The following NT5DC4 variants were observed in gnomAD, a reference collection of about 807,000 sequenced individuals.
NT5DC4 encodes 5'-nucleotidase domain containing 4.
In NT5DC4, 44 loss-of-function variants were observed where a neutral mutation model predicts 26.6. That is an observed-to-expected ratio of 1.65 (90% CI 1.30 to 2.13). The LOEUF is 2.13. Ranked by LOEUF, NT5DC4 falls within the 30% of genes most tolerant of loss-of-function variation. NT5DC4 has a pLI of 0.00. For synonymous variants in NT5DC4, 157 were observed against 86.7 expected (o/e 1.81, Z -4.51); for missense variants, 399 against 228.1 (o/e 1.75, Z -4.83).
chr2:112,724,923 C>T lies in NT5DC4; in HGVS notation c.915+17C>T. ...GGTGCAGAGGTCAGTCCACCTGCAC[C>T]CATGGACCACGGTTGGGGAGGGCAG... On this transcript the variant is annotated intron_variant, in intron 11 of 16. Coordinates refer to ENST00000688554, the MANE Select transcript of NT5DC4 (RefSeq NM_001393655.1). 1 of 716,278 alleles carries T rather than the reference C, an allele frequency of 1.4e-6. No homozygotes were observed. 44.4% of individuals were successfully genotyped at this position (716,278 alleles called of 1,614,324 possible).
At chr2:112,724,163 G>T in intron 10 of NT5DC4, 37 bp downstream of exon 10, 1 of 716,918 alleles carries the variant, frequency 1.4e-6, no homozygotes, top group Non-Finnish European at 2.6e-6. Flanking sequence ...GCTGGGGTGG[G>T]CTGTGCAAAG....
rs1676817715 is a variant in NT5DC4 at position 112,721,029 on chromosome 2, G to A, written c.-51G>A. Among the ~76,000 whole-genome samples the A allele has an allele frequency of 6.6e-6, 1 of 152,178 alleles. No individual in the cohort carries two copies. Among genetic ancestry groups the A allele is most frequent in the Non-Finnish European group, 1.5e-5 (1 of 68,038 alleles). ...AGAGTGGCTGGGCCCCACTGATAGT[G>A]TGCAGGAGGCTGAGGAAGGGACACT... On this transcript the variant is annotated 5_prime_UTR_variant, in exon 1 of 17. The change creates a new upstream start codon in the 5' untranslated region. Transcript: ENST00000688554.
upstream of NT5DC4, among the ~76,000 whole-genome samples, chr2:112,719,912 CTTTCTTTCTTTCTCTT>C (rs1676688431): frequency 1.0e-5 from 1 of 95,622 alleles, no homozygotes; most frequent in South Asian, 4.2e-4. Flanking sequence ...CTTTTTCTTT[CTTTCTTTCTTTCTCTT>C]TCTTTCTTTC....
intron 11 of NT5DC4, 73 bp from the exon 12 acceptor site, chr2:112,725,101 C>A: frequency 1.5e-6 from 1 of 674,556 alleles, no homozygotes; most frequent in Non-Finnish European, 2.8e-6. Context: ...ACTCCCAGCT[C>A]CCTGCGACCC....
chr2:112,725,043 G>A (rs904690156), intron 11 of NT5DC4, 131 bp from the exon 12 acceptor site: 6 of 649,740 alleles, frequency 9.2e-6, no homozygotes, highest in African/African-American at 1.8e-5. Context: ...CGCCTTCAGC[G>A]CCCTCTGCTG....
downstream of NT5DC4, chr2:112,740,735 T>A: frequency 8.8e-7 from 1 of 1,142,604 alleles, no homozygotes. Flanking sequence ...AGGTCTCAGT[T>A]ACTCTAGATC....
chr2:112,720,122 C>T (rs1200554953), upstream of NT5DC4, among the ~76,000 whole-genome samples: 1 of 150,784 alleles, frequency 6.6e-6, no homozygotes, highest in East Asian at 1.9e-4. Context: ...CTCATTGCAA[C>T]CTCCAACCCC....
At position 112,721,124 on chromosome 2, in the gene NT5DC4, T is replaced by C. The variant is rs1035805223; in HGVS notation, c.45T>C (p.Pro15=). The change falls in exon 1 of 17, where the codon CCT becomes CCC. Residue 15 remains proline, a synonymous_variant. Transcript: ENST00000688554. The part of the protein sequence containing the change: ...DWREPEGLVS[P]QGPKQDWHQR... ...GAGAGCCGGAGGGACTGGTCTCCCC[T>C]CAAGGCCCGAAGCAGGACTGGCACC... 2.0e-5 allele frequency among the ~76,000 whole-genome samples: 3 copies of C among 152,070 alleles called. No individual in the cohort carries two copies. Among genetic ancestry groups the C allele is most frequent in the African/African-American group, 7.2e-5 (3 of 41,388 alleles).
At chr2:112,734,421 G>T (rs1254431381) in intron 16 of NT5DC4, among the ~76,000 whole-genome samples, 2 of 152,116 alleles carry the variant, frequency 1.3e-5, no homozygotes, top group East Asian at 3.8e-4. Context: ...GGCAGGTTTT[G>T]TCCATGAGGT....
At chr2:112,726,857 C>T in intron 15 of NT5DC4, 119 bp downstream of exon 15, 1 of 690,516 alleles carries the variant, frequency 1.4e-6, no homozygotes, top group Non-Finnish European at 2.7e-6. Flanking sequence ...CCCCATTCTC[C>T]TCAGCCTCGC....
chr2:112,739,193 T>C (rs768745679), downstream of NT5DC4: 11 of 660,342 alleles, frequency 1.7e-5, no homozygotes, highest in Non-Finnish European at 2.3e-5. Flanking sequence ...AGCTTTCATC[T>C]TCAGATGGCT....
At chr2:112,726,147 C>A in intron 13 of NT5DC4, 91 bp from the exon 14 acceptor site, 1 of 707,644 alleles carries the variant, frequency 1.4e-6, no homozygotes, top group Non-Finnish European at 2.6e-6. Flanking sequence ...GTGTGCAAGT[C>A]CTCCGCTGGG....
chr2:112,722,731 T>C lies in NT5DC4; in HGVS notation c.487T>C (p.Cys163Arg), dbSNP rs1270019224. ...FNLPETYLYA[C>R]LVDFFSGCSR... is the part of the protein sequence containing the mutation. ...GCCCCCAGAAACCTACCTCTATGCC[T>C]GCTTGGTGGACTTCTTCTCTGGCTG... Residue 163 changes from cysteine to arginine, a missense_variant, in exon 6 of 17, where the codon TGC becomes CGC. Coordinates refer to ENST00000688554, the MANE Select transcript of NT5DC4 (RefSeq NM_001393655.1). The C allele has an allele frequency of 1.4e-6, 1 of 717,588 alleles. No homozygotes were observed. Among genetic ancestry groups the C allele is most frequent in the East Asian group, 2.7e-5 (1 of 37,278 alleles). 44.5% of individuals were successfully genotyped at this position (717,588 alleles called of 1,614,324 possible). A position where few individuals can be genotyped will look rare whatever the true frequency, so the allele number is the denominator to read the frequency against.
chr2:112,741,112 C>G, downstream of NT5DC4: 1 of 755,804 alleles, frequency 1.3e-6, no homozygotes, highest in Non-Finnish European at 2.2e-6. Context: ...TCCCAGTGAT[C>G]TTCATGGGCT....
chr2:112,719,812 T>C (rs1676649664), upstream of NT5DC4, among the ~76,000 whole-genome samples: 1 of 149,774 alleles, frequency 6.7e-6, no homozygotes, highest in African/African-American at 2.5e-5. Context: ...CTTTTCTTCA[T>C]TTCCTTTCCT....
At chr2:112,740,761 G>A (rs1283011289), downstream of NT5DC4, 18 of 1,412,072 alleles carry the variant, frequency 1.3e-5, no homozygotes, top group Middle Eastern at 1.8e-4. Context: ...AGGAAAAATC[G>A]AGACTTGGAC....
Position 112,723,424 on chromosome 2 carries a change from C to A in NT5DC4, c.628C>A (p.Leu210Ile). 1 of 715,028 alleles carries A rather than the reference C, an allele frequency of 1.4e-6. No individual in the cohort carries two copies. Among genetic ancestry groups the A allele is most frequent in the South Asian group, 1.5e-5 (1 of 67,486 alleles). The allele number at this position is 715,028 out of a possible 1,614,324, so 44.3% of individuals were successfully genotyped here. Residue 210 changes from leucine to isoleucine, a missense_variant, in exon 8 of 17, where the codon CTC (leucine) becomes ATC (isoleucine). Physicochemically the swap from Leu to Ile is conservative, Grantham distance 5 (BLOSUM62 2). Transcript: ENST00000688554. Reference protein sequence around the residue: ...AMNNIHQSGCLKKTLEDLEKY... With the variant: ...AMNNIHQSGCIKKTLEDLEKY... ...ACTTTGCTCCCTCCTGCAGGGCTGT[C>A]TCAAGAAGACCCTGGAGGACTTGGA...
intron 15 of NT5DC4, 70 bp downstream of exon 15, chr2:112,726,808 T>G (rs1677800900): frequency 1.4e-6 from 1 of 715,884 alleles, no homozygotes; most frequent in Non-Finnish European, 2.6e-6. Context: ...CCCCACTGCT[T>G]GCCTGTCGGC....
chr2:112,729,651 C>G lies in NT5DC4; in HGVS notation c.1291C>G (p.Gln431Glu). The G allele has an allele frequency of 1.4e-6, 1 of 717,966 alleles. No homozygotes were observed. Among genetic ancestry groups the G allele is most frequent in the South Asian group, 1.5e-5 (1 of 67,604 alleles). 44.5% of individuals were successfully genotyped at this position (717,966 alleles called of 1,614,324 possible). A position where few individuals can be genotyped will look rare whatever the true frequency, so the allele number is the denominator to read the frequency against. Residue 431 changes from glutamine (Q) to glutamate (E), a missense_variant, in exon 16 of 17, where the codon CAA becomes GAA. Gln to Glu is a conservative substitution (Grantham distance 29). Coordinates refer to ENST00000688554, the MANE Select transcript of NT5DC4 (RefSeq NM_001393655.1). Reference protein sequence around the residue: ...IQMPHESVVEQEQANLDPASC... With the variant: ...IQMPHESVVEEEQANLDPASC... ...GATGCCACATGAGTCAGTTGTGGAGCAAGAACAGGCCAATCTAGACCCTGC... is the reference window on the plus strand; with the variant it reads ...GATGCCACATGAGTCAGTTGTGGAGGAAGAACAGGCCAATCTAGACCCTGC...
Sources: gnomAD v4.1 joint callset for allele counts (sites outside exome capture counted in the v4.1 genomes callset) on GRCh38, gnomAD v4.1.1 for gene constraint, MANE v1.5 for transcripts, NCBI Gene and HGNC (gene_info 2026-07-23, HGNC 2026-07-21) for gene names.